The following ADGRA2 variants were observed in gnomAD, a reference collection of about 807,000 sequenced individuals.
ADGRA2 encodes the protein G-protein coupled receptor 124.
ADGRA2 carries 61 observed loss-of-function variants against 98.7 expected under a neutral mutation model. The ratio of observed to expected loss-of-function variants is 0.62; its 90% CI spans 0.50 to 0.76. The LOEUF (loss-of-function observed/expected upper bound fraction) is 0.76, where lower values mean the gene tolerates loss of function less well. Among genes scored for constraint, ADGRA2 ranks in the 30% least tolerant of loss-of-function variants. The probability of loss-of-function intolerance (pLI) is 0.00; values close to 1 mark genes in which losing one functional copy is unlikely to be tolerated. For synonymous variants in ADGRA2, 858 were observed against 831.5 expected, an observed-to-expected ratio of 1.03 and a Z score of -0.55; for missense variants, 1,712 against 1,860.0, an observed-to-expected ratio of 0.92 and a Z score of 1.46.
chr8:37,840,708 C>T, intron 17 of ADGRA2, 52 bp from the exon 18 acceptor site: 1 of 921,918 alleles, frequency 1.1e-6, no homozygotes, highest in Non-Finnish European at 1.8e-6. Flanking sequence ...GCACCCAGTT[C>T]TTCCCTTCCC....
chr8:37,835,529 C>G (rs1805584375), intron 12 of ADGRA2, 25 bp from the exon 13 acceptor site: 1 of 1,549,060 alleles, frequency 6.5e-7, no homozygotes, highest in Middle Eastern at 1.7e-4. Context: ...CCTGGTGTCT[C>G]TGAGGAGCTC....
Position 37,797,347 on chromosome 8 carries a change from C to T in ADGRA2, c.79C>T (p.Leu27=). Residue 27 remains leucine, a synonymous_variant, in exon 1 of 19, where the codon CTG becomes TTG. Transcript: ENST00000412232. The surrounding 1 kb of genome is among the most constrained non-coding windows in gnomAD (Gnocchi z 5.3). The part of the protein sequence containing the change: ...LPLLPWLLLL[L]APEARGAPGC... The stretch of plus-strand genomic sequence containing the variant: ...GCTGCTGCCGTGGCTCCTGCTGCTC[C>T]TGGCGCCCGAGGCTCGGGGCGCGCC... The T allele has an allele frequency of 3.6e-6, 5 of 1,402,452 alleles. No individual in the cohort carries two copies. Among genetic ancestry groups the T allele is most frequent in the Non-Finnish European group, 4.6e-6 (5 of 1,081,660 alleles). 86.9% of individuals were successfully genotyped at this position (1,402,452 alleles called of 1,614,324 possible).
At chr8:37,811,119 C>CAAAAAAAAA (rs1158782949) in intron 1 of ADGRA2, among the ~76,000 whole-genome samples, 17 of 68,606 alleles carry the variant, frequency 2.5e-4, no homozygotes, top group African/African-American at 6.5e-4. Flanking sequence ...GTCTCAAAAA[C>CAAAAAAAAA]AAAAAAAAAA....
At chr8:37,832,774 G>A (rs1226211194) in intron 8 of ADGRA2, among the ~76,000 whole-genome samples, 1 of 152,304 alleles carries the variant, frequency 6.6e-6, no homozygotes, top group African/African-American at 2.4e-5. Context: ...TAGCAAATAA[G>A]TGGCAGAACT....
In ADGRA2 at chr8:37,830,645, C is replaced by T. The variant is rs1185881119; in HGVS notation, c.719-65C>T. 2 of 498,682 alleles carry T rather than the reference C, an allele frequency of 4.0e-6. No individual in the cohort carries two copies. The highest frequency in any genetic ancestry group is 1.7e-5 in the South Asian group (1 of 58,674). The allele number at this position is 498,682 out of a possible 1,614,324, so 30.9% of individuals were successfully genotyped here. The stretch of plus-strand genomic sequence containing the variant: ...GCCCCACCCCATCCTGCTGGACTCT[C>T]GCTCACACGTGCAGCCTCACATGCG... On this transcript the variant is annotated intron_variant, in intron 6 of 18. Coordinates refer to ENST00000412232, the MANE Select transcript of ADGRA2 (RefSeq NM_032777.10). This position sits in a 1 kb window ranked among gnomAD's most constrained non-coding sequence, Gnocchi z 4.8.
chr8:37,806,997 G>A (rs1373542851), intron 1 of ADGRA2, among the ~76,000 whole-genome samples: 1 of 152,228 alleles, frequency 6.6e-6, no homozygotes, highest in African/African-American at 2.4e-5. Flanking sequence ...AGAGAAGGCA[G>A]GGTGGAGCAG....
At position 37,833,823 on chromosome 8, in the gene ADGRA2, G is replaced by C. The variant is rs770196512; in HGVS notation, c.1432G>C (p.Asp478His). Residue 478 changes from aspartate (D) to histidine (H), a missense_variant, in exon 10 of 19, where the codon GAC becomes CAC. Transcript: ENST00000412232. Reference sequence around the variant, plus strand: ...GATCCAGAAATTTTTGGGTTATGTCGACCAGATCAAAGAGGTGAGACTCAG... The same window carrying C: ...GATCCAGAAATTTTTGGGTTATGTCCACCAGATCAAAGAGGTGAGACTCAG... ...QMIQKFLGYV[D>H]QIKELVEVMV... The C allele has an allele frequency of 1.2e-6, 2 of 1,614,116 alleles. No individual in the cohort carries two copies.
chr8:37,825,881 G>A (rs1217839870), intron 2 of ADGRA2, among the ~76,000 whole-genome samples: 1 of 152,206 alleles, frequency 6.6e-6, no homozygotes, highest in Non-Finnish European at 1.5e-5. Context: ...CGTGGGGGCT[G>A]CCTTGGTCAC....
In ADGRA2 at chr8:37,841,968, G is replaced by A; in HGVS notation, c.3630G>A (p.Gly1210=). The A allele has an allele frequency of 1.3e-6, 2 of 1,501,960 alleles. No homozygotes were observed. Among genetic ancestry groups the A allele is most frequent in the East Asian group, 2.6e-5 (1 of 38,302 alleles). The allele number at this position is 1,501,960 out of a possible 1,614,324, so 93.0% of individuals were successfully genotyped here. ...RLKALRGGAA[G]ALELLSSESG... ...AGGCCCTGCGCGGGGGCGCGGCGGGGGCGCTGGAGCTGCTGTCCAGCGAGA... is the reference window on the plus strand; with the variant it reads ...AGGCCCTGCGCGGGGGCGCGGCGGGAGCGCTGGAGCTGCTGTCCAGCGAGA... The change falls in exon 19 of 19, where the codon GGG becomes GGA. Residue 1210 remains glycine (G), a synonymous_variant. Transcript: ENST00000412232. This position sits in a 1 kb window ranked among gnomAD's most constrained non-coding sequence, Gnocchi z 5.0.
intron 15 of ADGRA2, 165 bp from the exon 16 acceptor site, chr8:37,839,334 A>C: frequency 1.2e-6 from 1 of 867,760 alleles, no homozygotes; most frequent in Non-Finnish European, 1.4e-6. Flanking sequence ...GGTTGGAATC[A>C]CTTTGAGGGG....
At position 37,797,132 on chromosome 8, in the gene ADGRA2, C is replaced by T. The variant is rs1010541710; in HGVS notation, c.-137C>T. ...GCGCGGCGGCGGGGACCCCGGGGCTCGCCTCCGCCCAGGGCCCCCCTCCAC... is the reference window on the plus strand; with the variant it reads ...GCGCGGCGGCGGGGACCCCGGGGCTTGCCTCCGCCCAGGGCCCCCCTCCAC... On this transcript the variant is annotated 5_prime_UTR_variant, in exon 1 of 19. Transcript: ENST00000412232. The surrounding 1 kb of genome is among the most constrained non-coding windows in gnomAD (Gnocchi z 5.3). 3.5e-6 allele frequency: 2 copies of T among 569,762 alleles called. No homozygotes were observed. The highest frequency in any genetic ancestry group is 2.4e-6 in the Non-Finnish European group (1 of 411,512). 35.3% of individuals were successfully genotyped at this position (569,762 alleles called of 1,614,324 possible).
chr8:37,814,929 C>T lies in ADGRA2; in HGVS notation c.300C>T (p.Arg100=), dbSNP rs781329334. The part of the protein sequence containing the change: ...LLSNNKITGL[R]NGSFLGLSLL... ...GCAATAACAAGATCACGGGGCTCCG[C>T]AATGGCTCCTTCCTGGGACTGTCAC... The change falls in exon 2 of 19, where the codon CGC becomes CGT. Residue 100 remains arginine (R), a synonymous_variant. Transcript: ENST00000412232. This position sits in a 1 kb window ranked among gnomAD's most constrained non-coding sequence, Gnocchi z 4.3. 6.8e-6 allele frequency: 11 copies of T among 1,613,102 alleles called. No homozygotes were observed. The Admixed American group carries it at 1.8e-4, about 27-fold the overall frequency.
At position 37,816,924 on chromosome 8, in the gene ADGRA2, CAA is replaced by C. The variant is rs1491428419; in HGVS notation, c.338+1960_338+1961del. ...GAGCAAGACTGTCTCAAAAAGAAAGCAAAACACACACACACACACACACACAC... is the reference window on the plus strand; with the variant it reads ...GAGCAAGACTGTCTCAAAAAGAAAGCAACACACACACACACACACACACAC... On this transcript the variant is annotated intron_variant, in intron 2 of 18. Transcript: ENST00000412232. Among the ~76,000 whole-genome samples, 337 of 81,814 alleles carry C rather than the reference CAA, an allele frequency of 4.1e-3. 3 individuals are homozygous for C. Among genetic ancestry groups the C allele is most frequent in the African/African-American group, 0.017 (323 of 18,970 alleles). The allele number at this position is 81,814 out of a possible 152,430, so 53.7% of individuals were successfully genotyped here.
chr8:37,826,057 C>T (rs1166402429), intron 2 of ADGRA2, among the ~76,000 whole-genome samples: 1 of 151,782 alleles, frequency 6.6e-6, no homozygotes, highest in Admixed American at 6.6e-5. Flanking sequence ...ATCTGCAGAG[C>T]ATCAGTGGGG....
At position 37,835,789 on chromosome 8, in the gene ADGRA2, C is replaced by A; in HGVS notation, c.2050+19C>A. On this transcript the variant is annotated intron_variant, in intron 13 of 18. Transcript: ENST00000412232. ...GGAACCAGTAAGGGACTGAATTCCC[C>A]GCCCCGCCCAGGGTGCCTCTCGTGT... 6.6e-7 allele frequency: 1 copy of A among 1,526,104 alleles called. No homozygotes were observed. Among genetic ancestry groups the A allele is most frequent in the Non-Finnish European group, 9.1e-7 (1 of 1,102,330 alleles). 94.5% of individuals were successfully genotyped at this position (1,526,104 alleles called of 1,614,324 possible).
At chr8:37,824,900 CCCT>C (rs1805226262) in intron 2 of ADGRA2, among the ~76,000 whole-genome samples, 1 of 152,186 alleles carries the variant, frequency 6.6e-6, no homozygotes, top group Non-Finnish European at 1.5e-5. Flanking sequence ...ATCCGTTACT[CCCT>C]CCTCCTTTCA....
At chr8:37,815,920 C>T (rs916197540) in intron 2 of ADGRA2, among the ~76,000 whole-genome samples, 1 of 152,230 alleles carries the variant, frequency 6.6e-6, no homozygotes, top group Non-Finnish European at 1.5e-5. Context: ...TTCTCTCTCA[C>T]GCCCCCATCC....
Position 37,844,786 on chromosome 8 carries a change from G to C in ADGRA2, c.*2431G>C. The stretch of plus-strand genomic sequence containing the variant: ...CCCCACCCCGGTGGCTCCTTCTCTC[G>C]GGTCTCCACTTCTGCTGTCCCATCC... On this transcript the variant is annotated 3_prime_UTR_variant, in exon 19 of 19. Transcript: ENST00000412232. 1.2e-6 allele frequency: 2 copies of C among 1,613,878 alleles called. No individual in the cohort carries two copies. The highest frequency in any genetic ancestry group is 1.7e-6 in the Non-Finnish European group (2 of 1,179,910).
At chr8:37,800,367 A>C (rs1411561458) in intron 1 of ADGRA2, among the ~76,000 whole-genome samples, 3 of 152,072 alleles carry the variant, frequency 2.0e-5, no homozygotes, top group African/African-American at 7.2e-5. Flanking sequence ...TGCGGATCAC[A>C]CCTCTCAGGT....
Sources: gnomAD v4.1 joint callset for allele counts (sites outside exome capture counted in the v4.1 genomes callset) on GRCh38, gnomAD v4.1.1 for gene constraint, Gnocchi (gnomAD v3.1) non-coding constraint, MANE v1.5 for transcripts, NCBI Gene and HGNC (gene_info 2026-07-23, HGNC 2026-07-21) for gene names.